Variants in UBAP2 observed in about 807,000 individuals in gnomAD.
UBAP2 encodes the protein ubiquitin-associated protein 2.
UBAP2 carries 75 observed loss-of-function variants against 139.6 expected under a neutral mutation model. The ratio of observed to expected loss-of-function variants is 0.54; its 90% CI spans 0.45 to 0.65. The LOEUF is 0.65. Ranked by LOEUF, UBAP2 falls within the 30% of genes least tolerant of loss-of-function variation. UBAP2 has a pLI of 0.00. For missense variants in UBAP2, 1,368 were observed against 1,369.6 expected (o/e 1.00, Z 0.02); for synonymous variants, 526 against 526.2 (o/e 1.00, Z 0.01).
At chr9:33,947,100 A>C (rs1489660904) in intron 13 of UBAP2, among the ~76,000 whole-genome samples, 6 of 151,990 alleles carry the variant, frequency 3.9e-5, no homozygotes, top group African/African-American at 1.5e-4. Context: ...ATAGCAAAAA[A>C]TGTAGGCACA....
rs1231434661 is a variant in UBAP2, at chr9:33,941,779, A to G, written c.1799T>C (p.Leu600Pro). The change falls in exon 16 of 29, where the codon CTG becomes CCG. Residue 600 changes from leucine to proline, a missense_variant. Leu to Pro is a moderately conservative substitution (Grantham distance 98, BLOSUM62 -3). Transcript: ENST00000379238. Reference sequence around the variant, plus strand: ...AGCAGAATTCAGTGATGAGCTTGTCAGACTGCAGGAGGTAATGACGGAAGT... The same window carrying G: ...AGCAGAATTCAGTGATGAGCTTGTCGGACTGCAGGAGGTAATGACGGAAGT... Reference protein sequence around the residue: ...YTTSVITSCSLTSSSLNSASP... With the variant: ...YTTSVITSCSPTSSSLNSASP... 3 of 1,614,048 alleles carry G rather than the reference A, an allele frequency of 1.9e-6. No individual in the cohort carries two copies. The African/African-American group carries it at 4.0e-5, about 22-fold the overall frequency.
intron 16 of UBAP2, among the ~76,000 whole-genome samples, chr9:33,936,855 C>T (rs552955952): frequency 7.4e-6 from 1 of 135,346 alleles, no homozygotes; most frequent in African/African-American, 2.8e-5. Context: ...CTACTCAGAA[C>T]GCTGGAACAG....
intron 2 of UBAP2, among the ~76,000 whole-genome samples, chr9:34,016,326 A>AGAG (rs1479361358): frequency 2.4e-5 from 1 of 41,468 alleles, no homozygotes; most frequent in Non-Finnish European, 4.5e-5. Context: ...AGAAGGAGGA[A>AGAG]GAGGAGGAGG....
At chr9:33,943,623 G>C (rs767743660) in intron 14 of UBAP2, 34 bp from the exon 15 acceptor site, 13 of 1,610,202 alleles carry the variant, frequency 8.1e-6, no homozygotes, top group Non-Finnish European at 1.7e-6. Flanking sequence ...CAGGAACAGA[G>C]GTCACAGATT....
In UBAP2 at chr9:33,948,567, T is replaced by C. The variant is rs778937022; in HGVS notation, c.1077A>G (p.Gly359=). ...PQSLSSVLGS[G]FGELAPPKMA... is the part of the protein sequence containing the mutation. ...TTTTTGGTGGTGCAAGCTCTCCAAA[T>C]CCTGAGCCAAGGACGGATGACTTTA... Residue 359 remains glycine, a synonymous_variant, in exon 13 of 29, where the codon GGA becomes GGG. Transcript: ENST00000379238. 3.1e-6 allele frequency: 5 copies of C among 1,614,026 alleles called. No homozygotes were observed. The African/African-American group carries it at 6.7e-5, about 22-fold the overall frequency.
chr9:33,923,121 G>A (rs766659900), intron 26 of UBAP2, 65 bp downstream of exon 26: 168 of 1,612,134 alleles, frequency 1.0e-4, no homozygotes, highest in Non-Finnish European at 1.3e-4. Context: ...TGCCCTGCCT[G>A]AGAGGGGATC....
At chr9:34,003,120 C>T (rs1210804787) in intron 2 of UBAP2, among the ~76,000 whole-genome samples, 1 of 151,016 alleles carries the variant, frequency 6.6e-6, no homozygotes, top group Non-Finnish European at 1.5e-5. Context: ...AGTGTGCTCT[C>T]GGCTCGCTGC....
At chr9:33,939,218 GAGTCT>G (rs1298494258) in intron 16 of UBAP2, among the ~76,000 whole-genome samples, 2 of 106,212 alleles carry the variant, frequency 1.9e-5, no homozygotes, top group Admixed American at 2.2e-4. Flanking sequence ...TTTTGAGATG[GAGTCT>G]TGCTCTGTCA....
In UBAP2 at chr9:33,998,832, C is replaced by T; in HGVS notation, c.132G>A (p.Val44=). 1 of 1,612,050 alleles carries T rather than the reference C, an allele frequency of 6.2e-7. No homozygotes were observed. ...AATCTGAATCATTCTTATCAAAGAT[C>T]ACTTGAGCGAGACGCATCTGTTCAG... ...ATAEQMRLAQ[V]IFDKNDSDFE... Residue 44 remains valine, a synonymous_variant, in exon 3 of 29, where the codon GTG becomes GTA. Transcript: ENST00000379238.
intron 1 of UBAP2, among the ~76,000 whole-genome samples, chr9:34,022,731 C>T (rs1825072105): frequency 6.6e-6 from 1 of 151,980 alleles, no homozygotes; most frequent in South Asian, 2.1e-4. Flanking sequence ...AGCCATCATG[C>T]CCAGCCACCT....
intron 8 of UBAP2, chr9:33,968,403 ACAC>A (rs1827633048): frequency 3.5e-6 from 2 of 566,554 alleles, no homozygotes; most frequent in Non-Finnish European, 7.1e-6. Context: ...AGGAAGCAAG[ACAC>A]CACCACCAGG....
intron 1 of UBAP2, among the ~76,000 whole-genome samples, chr9:34,039,867 A>T (rs1318008852): frequency 7.0e-6 from 1 of 142,704 alleles, no homozygotes; most frequent in Non-Finnish European, 1.5e-5. Context: ...AAAAAAAAAA[A>T]AAAAATACAA....
intron 2 of UBAP2, among the ~76,000 whole-genome samples, chr9:34,011,121 G>C (rs888462387): frequency 6.6e-6 from 1 of 152,100 alleles, no homozygotes; most frequent in Non-Finnish European, 1.5e-5. Context: ...CTTGATGGGT[G>C]AAAGAATCTC....
At chr9:33,931,866 C>G (rs914371692) in intron 19 of UBAP2, among the ~76,000 whole-genome samples, 1 of 152,148 alleles carries the variant, frequency 6.6e-6, no homozygotes, top group Non-Finnish European at 1.5e-5. Flanking sequence ...CTCCTGTTGT[C>G]CAGGAGCATG....
At chr9:33,944,756 G>A in intron 13 of UBAP2, 117 bp from the exon 14 acceptor site, 1 of 1,210,646 alleles carries the variant, frequency 8.3e-7, no homozygotes, top group South Asian at 1.6e-5. Flanking sequence ...GAATTTCTTA[G>A]GTTTTACACA....
At chr9:33,967,624 C>A (rs1827570484) in intron 8 of UBAP2, among the ~76,000 whole-genome samples, 1 of 152,104 alleles carries the variant, frequency 6.6e-6, no homozygotes, top group African/African-American at 2.4e-5. Flanking sequence ...TATTAAAAGG[C>A]AAAGCACCAC....
intron 1 of UBAP2, among the ~76,000 whole-genome samples, chr9:34,023,093 G>A (rs548447115): frequency 2.6e-5 from 4 of 152,100 alleles, no homozygotes; most frequent in African/African-American, 7.2e-5. Context: ...AGGCATGGTG[G>A]CACGCGCCTG....
intron 2 of UBAP2, among the ~76,000 whole-genome samples, chr9:34,016,680 C>T (rs1824379971): frequency 6.6e-6 from 1 of 151,536 alleles, no homozygotes; most frequent in Admixed American, 6.6e-5. Flanking sequence ...CTTAGCCTCC[C>T]GAGAAGCTAG....
chr9:33,923,043 A>T lies in UBAP2; in HGVS notation c.3005-10T>A, dbSNP rs1459759672. Reference sequence around the variant, plus strand: ...GAAGACACTGATACTCCTAGGAGGAAAAGCAGTTGTTCCCCACAGCAGTTG... The same window carrying T: ...GAAGACACTGATACTCCTAGGAGGATAAGCAGTTGTTCCCCACAGCAGTTG... On this transcript the variant is annotated splice_polypyrimidine_tract_variant and intron_variant, in intron 26 of 28. Transcript: ENST00000379238. 6.2e-7 allele frequency: 1 copy of T among 1,613,956 alleles called. No homozygotes were observed. Among genetic ancestry groups the T allele is most frequent in the Non-Finnish European group, 8.5e-7 (1 of 1,179,988 alleles).
Sources: gnomAD v4.1 joint callset for allele counts (sites outside exome capture counted in the v4.1 genomes callset) on GRCh38, gnomAD v4.1.1 for gene constraint, MANE v1.5 for transcripts, NCBI Gene and HGNC (gene_info 2026-07-23, HGNC 2026-07-21) for gene names.